Variants in FBXW9 observed in about 807,000 individuals in gnomAD.
The protein encoded by FBXW9 is F-box and WD repeat domain containing 9.
A neutral mutation model predicts 55.8 loss-of-function variants in FBXW9; 38 were observed. The ratio of observed to expected loss-of-function variants is 0.68; its 90% CI spans 0.53 to 0.89. FBXW9 has a LOEUF of 0.89. Ranked by LOEUF, FBXW9 falls within the 40% of genes least tolerant of loss-of-function variation. The pLI, the probability that FBXW9 is intolerant of heterozygous loss-of-function variation, is 0.00. For missense variants in FBXW9, 590 were observed against 619.4 expected (o/e 0.95, Z 0.50); for synonymous variants, 289 against 278.2 (o/e 1.04, Z -0.38).
chr19:12,689,823 C>G lies in FBXW9; in HGVS notation c.1084G>C (p.Gly362Arg), dbSNP rs749186463. Residue 362 changes from glycine to arginine, a missense_variant, in exon 7 of 10, where the codon GGT becomes CGT. Physicochemically the swap from Gly to Arg is moderately radical, Grantham distance 125. Coordinates refer to ENST00000393261, the MANE Select transcript of FBXW9 (RefSeq NM_032301.3). The surrounding 1 kb of genome is among the most constrained non-coding windows in gnomAD (Gnocchi z 5.9). ...ACGTGCAGCAGGCCCTGGTTGTCACCAGCCCAGAGCTGGGGTTCCTGGTAG... is the reference window on the plus strand; with the variant it reads ...ACGTGCAGCAGGCCCTGGTTGTCACGAGCCCAGAGCTGGGGTTCCTGGTAG... ...MSYQEPQLWAGDNQGLLHVFA... is the reference protein window; with the variant it reads ...MSYQEPQLWARDNQGLLHVFA... 9 of 1,614,144 alleles carry G rather than the reference C, an allele frequency of 5.6e-6. No homozygotes were observed. The highest frequency in any genetic ancestry group is 7.6e-6 in the Non-Finnish European group (9 of 1,180,026).
Position 12,689,411 on chromosome 19 carries a change from C to A in FBXW9, c.1263G>T (p.Arg421Ser), listed in dbSNP as rs775504733. The A allele has an allele frequency of 1.2e-6, 2 of 1,614,000 alleles. No individual in the cohort carries two copies. The highest frequency in any genetic ancestry group is 1.3e-5 in the African/African-American group (1 of 74,924). ...IRVHVPTDPP[R>S]TICTRRHDNG... ...TGTCATGCCTTCGGGTGCAAATGGT[C>A]CTTGGTGGGTCTGTGGGCACGTGCA... is the stretch of plus-strand genomic sequence containing the variant. The change falls in exon 9 of 10, where the codon AGG becomes AGT. Residue 421 changes from arginine (R) to serine (S), a missense_variant. By Grantham distance (110) the Arg-to-Ser change is moderately radical (BLOSUM62 -1). Transcript: ENST00000393261. This position sits in a 1 kb window ranked among gnomAD's most constrained non-coding sequence, Gnocchi z 5.9.
Position 12,689,145 on chromosome 19 carries a change from G to T in FBXW9, c.*71C>A. On this transcript the variant is annotated 3_prime_UTR_variant, in exon 10 of 10. Transcript: ENST00000393261. This position sits in a 1 kb window ranked among gnomAD's most constrained non-coding sequence, Gnocchi z 5.9. Reference sequence around the variant, plus strand: ...GGGGCGGAGGCAGCACCAACATTGGGGATGGTCCCCCAAGAACAGAGGAGG... The same window carrying T: ...GGGGCGGAGGCAGCACCAACATTGGTGATGGTCCCCCAAGAACAGAGGAGG... The T allele has an allele frequency of 8.1e-7, 1 of 1,227,590 alleles. No homozygotes were observed. Among genetic ancestry groups the T allele is most frequent in the Non-Finnish European group, 1.2e-6 (1 of 828,822 alleles). 76.0% of individuals were successfully genotyped at this position (1,227,590 alleles called of 1,614,324 possible).
chr19:12,693,592 A>T (rs2025040469), intron 3 of FBXW9, among the ~76,000 whole-genome samples: 1 of 122,814 alleles, frequency 8.1e-6, no homozygotes, highest in African/African-American at 4.1e-5. Context: ...ACACACACAC[A>T]CACACACACA....
chr19:12,689,993 CG>C lies in FBXW9; in HGVS notation c.1000del (p.Arg334AlafsTer118). The C allele has an allele frequency of 6.2e-7, 1 of 1,613,948 alleles. No homozygotes were observed. Among genetic ancestry groups the C allele is most frequent in the African/African-American group, 1.3e-5 (1 of 75,024 alleles). Reference protein sequence around the residue: ...SEDHTLVVVDRRANSVLQRLQ... With the variant: ...SEDHTLVVVDXRANSVLQRLQ... ...ACGCTGCAGGACGCTGTTGGCTCGG[CG>C]GTCCACCACCACCAGGGTGTGGTCC... On this transcript the variant is annotated frameshift_variant, in exon 6 of 10. Transcript: ENST00000393261. LOFTEE classifies it high-confidence loss of function. This position sits in a 1 kb window ranked among gnomAD's most constrained non-coding sequence, Gnocchi z 5.9.
intron 5 of FBXW9, among the ~76,000 whole-genome samples, chr19:12,690,598 G>A (rs912754679): frequency 6.6e-6 from 1 of 152,060 alleles, no homozygotes; most frequent in Admixed American, 6.6e-5. Context: ...CTTGGGCAAC[G>A]TGGCAAGACC....
chr19:12,690,235 C>CCA, intron 5 of FBXW9, 125 bp from the exon 6 acceptor site: 1 of 1,493,194 alleles, frequency 6.7e-7, no homozygotes, highest in Non-Finnish European at 9.1e-7. Flanking sequence ...TTCCCCCACC[C>CCA]CACAGAGTGA....
At chr19:12,693,513 A>G (rs2025030258) in intron 3 of FBXW9, among the ~76,000 whole-genome samples, 1 of 27,358 alleles carries the variant, frequency 3.7e-5, no homozygotes, top group African/African-American at 1.6e-4. Context: ...AAAAAAAAAA[A>G]AAAAAAAAAA....
intron 3 of FBXW9, among the ~76,000 whole-genome samples, chr19:12,692,938 T>C (rs965983480): frequency 2.6e-5 from 4 of 152,270 alleles, no homozygotes; most frequent in African/African-American, 4.8e-5. Flanking sequence ...TGGCAAACCA[T>C]ATCACCTCCC....
At chr19:12,694,337 CAAAAA>C (rs1314324715) in intron 3 of FBXW9, among the ~76,000 whole-genome samples, 1 of 60,616 alleles carries the variant, frequency 1.6e-5, no homozygotes, top group Non-Finnish European at 4.0e-5. Context: ...GACTCCGTCT[CAAAAA>C]AAAAAAAAAA....
chr19:12,694,705 C>T lies in FBXW9; in HGVS notation c.567G>A (p.Leu189=). ...VLLLQGGSLC[L]SGSRDRNVNL... Reference sequence around the variant, plus strand: ...TGACGTTGCGATCTCGGGAGCCCGACAGACAGAGTGACCCACCCTGGAAAG... The same window carrying T: ...TGACGTTGCGATCTCGGGAGCCCGATAGACAGAGTGACCCACCCTGGAAAG... Residue 189 remains leucine, a synonymous_variant, in exon 3 of 10, where the codon CTG becomes CTA. Transcript: ENST00000393261. 4 of 1,614,132 alleles carry T rather than the reference C, an allele frequency of 2.5e-6. No homozygotes were observed. The highest frequency in any genetic ancestry group is 3.4e-6 in the Non-Finnish European group (4 of 1,179,952).
chr19:12,690,795 C>A (rs774900345), intron 5 of FBXW9, among the ~76,000 whole-genome samples: 1 of 152,100 alleles, frequency 6.6e-6, no homozygotes, highest in Non-Finnish European at 1.5e-5. Context: ...CAGGTAGGCG[C>A]CACCACATCC....
intron 1 of FBXW9, 43 bp downstream of exon 1, chr19:12,696,130 G>A: frequency 6.7e-7 from 1 of 1,490,764 alleles, no homozygotes; most frequent in Non-Finnish European, 8.9e-7. Flanking sequence ...TGACCTGGGC[G>A]GGCGCCCCCG....
Position 12,689,826 on chromosome 19 carries a change from C to T in FBXW9, c.1081G>A (p.Ala361Thr). Residue 361 changes from alanine to threonine, a missense_variant, in exon 7 of 10, where the codon GCT (alanine) becomes ACT (threonine). Transcript: ENST00000393261. The surrounding 1 kb of genome is among the most constrained non-coding windows in gnomAD (Gnocchi z 5.9). Reference sequence around the variant, plus strand: ...TGCAGCAGGCCCTGGTTGTCACCAGCCCAGAGCTGGGGTTCCTGGTAGGAC... The same window carrying T: ...TGCAGCAGGCCCTGGTTGTCACCAGTCCAGAGCTGGGGTTCCTGGTAGGAC... ...CMSYQEPQLW[A>T]GDNQGLLHVF... 6.2e-7 allele frequency: 1 copy of T among 1,614,156 alleles called. No individual in the cohort carries two copies. The highest frequency in any genetic ancestry group is 8.5e-7 in the Non-Finnish European group (1 of 1,180,024).
At chr19:12,692,760 G>C (rs1350895163) in intron 3 of FBXW9, among the ~76,000 whole-genome samples, 1 of 152,090 alleles carries the variant, frequency 6.6e-6, no homozygotes, top group Non-Finnish European at 1.5e-5. Context: ...CTGGGTTCAA[G>C]CAATCCTCCT....
Position 12,694,943 on chromosome 19 carries a change from G to T in FBXW9, c.410-5C>A. ...CCGGCCAGTCAAAGTTCTTCTCTGT[G>T]GGTTACCACGAGTAGGGTGCCCAGT... is the stretch of plus-strand genomic sequence containing the variant. On this transcript the variant is annotated splice_region_variant and splice_polypyrimidine_tract_variant and intron_variant, in intron 1 of 9. Coordinates refer to ENST00000393261, the MANE Select transcript of FBXW9 (RefSeq NM_032301.3). 6.2e-7 allele frequency: 1 copy of T among 1,611,734 alleles called. No individual in the cohort carries two copies. The highest frequency in any genetic ancestry group is 8.5e-7 in the Non-Finnish European group (1 of 1,179,726).
At chr19:12,693,609 A>AC (rs2025041156) in intron 3 of FBXW9, among the ~76,000 whole-genome samples, 1 of 117,574 alleles carries the variant, frequency 8.5e-6, no homozygotes, top group Admixed American at 9.0e-5. Flanking sequence ...CACACACACA[A>AC]AAGAAATTAG....
At chr19:12,690,287 C>T in intron 5 of FBXW9, 177 bp from the exon 6 acceptor site, 1 of 1,007,912 alleles carries the variant, frequency 9.9e-7, no homozygotes, top group Non-Finnish European at 1.5e-6. Context: ...CAGGCTTCCA[C>T]AGGAGCCCCA....
rs750864320 is a variant in FBXW9 at position 12,694,631 on chromosome 19, A to G, written c.641T>C (p.Ile214Thr). 9.9e-6 allele frequency: 16 copies of G among 1,614,154 alleles called. No individual in the cohort carries two copies. Among genetic ancestry groups the G allele is most frequent in the Non-Finnish European group, 1.3e-5 (15 of 1,180,030 alleles). ...ATTTCGCTTAGTGCCTAAGGTCTTG[A>G]TCAGAACCTGGTTGGACTCCGTCCC... Reference protein sequence around the residue: ...QLGTESNQVLIKTLGTKRNST... With the variant: ...QLGTESNQVLTKTLGTKRNST... The change falls in exon 3 of 10, where the codon ATC (isoleucine) becomes ACC (threonine). Residue 214 changes from isoleucine (I) to threonine (T), a missense_variant. By Grantham distance (89) the Ile-to-Thr change is moderately conservative (BLOSUM62 -1). Coordinates refer to ENST00000393261, the MANE Select transcript of FBXW9 (RefSeq NM_032301.3).
At position 12,696,619 on chromosome 19, in the gene FBXW9, T is replaced by C. The variant is rs968836770; in HGVS notation, c.-38A>G. ...GGCGCTGCCGGCCTCGCGTCTTGTC[T>C]CCTAGGCAGCACGAGGGCACTTCCG... On this transcript the variant is annotated 5_prime_UTR_variant, in exon 1 of 10. Coordinates refer to ENST00000393261, the MANE Select transcript of FBXW9 (RefSeq NM_032301.3). The C allele has an allele frequency of 5.0e-6, 8 of 1,589,190 alleles. No homozygotes were observed. The African/African-American group carries it at 6.8e-5, about 13-fold the overall frequency.
Sources: allele counts gnomAD v4.1 joint callset (sites outside exome capture counted in the v4.1 genomes callset), GRCh38; gene constraint gnomAD v4.1.1; non-coding constraint Gnocchi (gnomAD v3.1); transcripts MANE v1.5; gene names NCBI Gene and HGNC (gene_info 2026-07-23, HGNC 2026-07-21).